CNGB1: variants seen among roughly 807,000 people sequenced by gnomAD.
CNGB1 encodes the protein cyclic nucleotide gated channel subunit beta 1.
In CNGB1, 126 loss-of-function variants were observed where a neutral mutation model predicts 151.7. The ratio of observed to expected loss-of-function variants is 0.83; its 90% CI spans 0.72 to 0.96. The LOEUF (loss-of-function observed/expected upper bound fraction) is 0.96. Among genes scored for constraint, CNGB1 ranks in the 40% least tolerant of loss-of-function variants. CNGB1 has a pLI of 0.00. For synonymous variants in CNGB1, 623 were observed against 635.1 expected (o/e 0.98, Z 0.29); for missense variants, 1,698 against 1,627.0 (o/e 1.04, Z -0.75).
At chr16:57,953,428 G>A (rs1962008757) in intron 12 of CNGB1, among the ~76,000 whole-genome samples, 1 of 150,272 alleles carries the variant, frequency 6.7e-6, no homozygotes, top group South Asian at 2.1e-4. Flanking sequence ...CCGGGAGGTA[G>A]AGGTTGCAGT....
rs1248893188 is a variant in CNGB1 at position 57,959,923 on chromosome 16, C to G, written c.726G>C (p.Gln242His). ...CCCTGGTTGGTGGCAGGGAGGAGGT[C>G]TGGGCCTGGGAGCCGGGCTGGGGCT... ...APEPQPGSQA[Q>H]TSSLPPTRDP... The change falls in exon 10 of 33, where the codon CAG (glutamine) becomes CAC (histidine). Residue 242 changes from glutamine (Q) to histidine (H), a missense_variant. By Grantham distance (24) the Gln-to-His change is conservative (BLOSUM62 0). Transcript: ENST00000251102. 1.1e-5 allele frequency: 18 copies of G among 1,575,328 alleles called. No individual in the cohort carries two copies. Among genetic ancestry groups the G allele is most frequent in the Non-Finnish European group, 1.1e-5 (13 of 1,158,946 alleles).
rs1959785077 is a variant in CNGB1, at chr16:57,882,618, C to A, written c.*1546G>T. On this transcript the variant is annotated 3_prime_UTR_variant, in exon 33 of 33. Coordinates refer to ENST00000251102, the MANE Select transcript of CNGB1 (RefSeq NM_001297.5). ...TAATTTTATATAAAATGGGCAGGACCTATTGGAATTCCAGGTCCTTTATGT... is the reference window on the plus strand; with the variant it reads ...TAATTTTATATAAAATGGGCAGGACATATTGGAATTCCAGGTCCTTTATGT... 6.6e-6 allele frequency: 1 copy of A among 152,052 alleles called. No individual in the cohort carries two copies. Among genetic ancestry groups the A allele is most frequent in the Non-Finnish European group, 1.5e-5 (1 of 68,006 alleles). The allele number at this position is 152,052 out of a possible 1,614,324, so 9.4% of individuals were successfully genotyped here. A position where few individuals can be genotyped will look rare whatever the true frequency, so the allele number is the denominator to read the frequency against.
chr16:57,923,596 T>C (rs1217255287), intron 17 of CNGB1, among the ~76,000 whole-genome samples: 2 of 152,132 alleles, frequency 1.3e-5, no homozygotes, highest in Non-Finnish European at 2.9e-5. Flanking sequence ...TTCCCATCTG[T>C]TAAATGGCTT....
chr16:57,932,481 C>T (rs760215187), intron 16 of CNGB1, among the ~76,000 whole-genome samples: 8 of 151,486 alleles, frequency 5.3e-5, no homozygotes, highest in Non-Finnish European at 1.0e-4. Flanking sequence ...CAGTTCACCC[C>T]AAGCTCCTTC....
chr16:57,915,392 G>T, intron 22 of CNGB1, 57 bp from the exon 23 acceptor site: 1 of 1,343,698 alleles, frequency 7.4e-7, no homozygotes, highest in Non-Finnish European at 1.1e-6. Context: ...GGTGGAAGGT[G>T]AGGGGAGTGA....
intron 24 of CNGB1, 122 bp from the exon 25 acceptor site, chr16:57,911,997 A>C: frequency 1.5e-6 from 2 of 1,345,098 alleles, no homozygotes; most frequent in Non-Finnish European, 1.0e-6. Flanking sequence ...TTGAGATTGC[A>C]CCAGTTAGGA....
rs567327964 is a variant in CNGB1 at position 57,958,717 on chromosome 16, C to T, written c.762-232G>A. On this transcript the variant is annotated intron_variant, in intron 10 of 32. Coordinates refer to ENST00000251102, the MANE Select transcript of CNGB1 (RefSeq NM_001297.5). ...GGTAGCTCGGCCTCCCCCCACCCTC[C>T]CACCCGTTCTCGGAAGGGAGTGCAC... 4.0e-5 allele frequency among the ~76,000 whole-genome samples: 6 copies of T among 151,468 alleles called. No homozygotes were observed. In the East Asian group the frequency reaches 1.2e-3, roughly 29 times the overall value.
At position 57,918,975 on chromosome 16, in the gene CNGB1, T is replaced by G. The variant is rs933382144; in HGVS notation, c.1957+124A>C. 1.2e-5 allele frequency: 19 copies of G among 1,534,572 alleles called. No homozygotes were observed. In the Admixed American group the frequency reaches 1.6e-4, roughly 13 times the overall value. ...TACTTTTGAAAGGTATAAAAGATCA[T>G]GAACCCAGGTTGTCTGTGGCCTCCC... On this transcript the variant is annotated intron_variant, in intron 20 of 32. Transcript: ENST00000251102.
intron 20 of CNGB1, among the ~76,000 whole-genome samples, chr16:57,918,160 A>C (rs1960930385): frequency 6.6e-6 from 1 of 150,570 alleles, no homozygotes; most frequent in Non-Finnish European, 1.5e-5. Context: ...ATTTTTGTAG[A>C]GATGAGGTCT....
intron 4 of CNGB1, chr16:57,963,850 G>A: frequency 1.9e-6 from 1 of 523,910 alleles, no homozygotes; most frequent in African/African-American, 1.9e-5. Flanking sequence ...TCTAATGAAT[G>A]AATGAGTGAA....
Position 57,923,347 on chromosome 16 carries a change from T to C in CNGB1, c.1569A>G (p.Glu523=), listed in dbSNP as rs1213295017. 6.2e-7 allele frequency: 1 copy of C among 1,613,218 alleles called. No homozygotes were observed. Among genetic ancestry groups the C allele is most frequent in the Admixed American group, 1.7e-5 (1 of 59,976 alleles). The change falls in exon 18 of 33, where the codon GAA becomes GAG. Residue 523 remains glutamate (E), a synonymous_variant. Coordinates refer to ENST00000251102, the MANE Select transcript of CNGB1 (RefSeq NM_001297.5). ...CTGCTGGTGACAACGCCTTGAGCTCTTCAGCCTCATCATCCTCAGAGGGCA... is the reference window on the plus strand; with the variant it reads ...CTGCTGGTGACAACGCCTTGAGCTCCTCAGCCTCATCATCCTCAGAGGGCA... ...KKLPSEDDEA[E]ELKALSPAES...
chr16:57,961,598 G>C (rs1337345498), intron 7 of CNGB1, among the ~76,000 whole-genome samples: 1 of 152,038 alleles, frequency 6.6e-6, no homozygotes, highest in Non-Finnish European at 1.5e-5. Context: ...AGGAAGTAGA[G>C]GACCAAAAGA....
At position 57,915,343 on chromosome 16, in the gene CNGB1, C is replaced by G. The variant is rs768380522; in HGVS notation, c.2218-8G>C. The G allele has an allele frequency of 8.1e-6, 13 of 1,609,362 alleles. No homozygotes were observed. In the African/African-American group the frequency reaches 1.7e-4, roughly 22 times the overall value. ...GAGGCTGAGCAGGTCCATCTGAAAT[C>G]CCAGTGGGACACCATGGGGGTAAAA... On this transcript the variant is annotated splice_region_variant and splice_polypyrimidine_tract_variant and intron_variant, in intron 22 of 32. Coordinates refer to ENST00000251102, the MANE Select transcript of CNGB1 (RefSeq NM_001297.5).
rs572080575 is a variant in CNGB1 at position 57,918,695 on chromosome 16, C to T, written c.1957+404G>A. ...TGGGTATGATCTTATGTTCCTATTC[C>T]AGGGACTTTTGTTGTTGTTTTTAAG... is the stretch of plus-strand genomic sequence containing the variant. On this transcript the variant is annotated intron_variant, in intron 20 of 32. Transcript: ENST00000251102. 7.2e-5 allele frequency among the ~76,000 whole-genome samples: 11 copies of T among 152,054 alleles called. 1 individual carries two copies. Among genetic ancestry groups the T allele is most frequent in the Non-Finnish European group, 1.2e-4 (8 of 68,010 alleles).
At chr16:57,957,762 A>G (rs1271172138) in intron 11 of CNGB1, among the ~76,000 whole-genome samples, 1 of 152,196 alleles carries the variant, frequency 6.6e-6, no homozygotes, top group African/African-American at 2.4e-5. Flanking sequence ...AGCCCTGGGT[A>G]TGAGAATGCA....
At position 57,884,048 on chromosome 16, in the gene CNGB1, C is replaced by T. The variant is rs182224027; in HGVS notation, c.*116G>A. 2.4e-4 allele frequency: 354 copies of T among 1,494,460 alleles called. No homozygotes were observed. The highest frequency in any genetic ancestry group is 2.2e-3 in the African/African-American group (160 of 72,828). 92.6% of individuals were successfully genotyped at this position (1,494,460 alleles called of 1,614,324 possible). A position where few individuals can be genotyped will look rare whatever the true frequency, so the allele number is the denominator to read the frequency against. On this transcript the variant is annotated 3_prime_UTR_variant, in exon 33 of 33. Coordinates refer to ENST00000251102, the MANE Select transcript of CNGB1 (RefSeq NM_001297.5). The stretch of plus-strand genomic sequence containing the variant: ...GCTGCAGCCACTGAGGTCACGACTA[C>T]GGAAAAGCATCTTCTCTTGAGCCGT...
intron 17 of CNGB1, among the ~76,000 whole-genome samples, chr16:57,925,793 T>G (rs1255796698): frequency 6.6e-6 from 1 of 152,122 alleles, no homozygotes; most frequent in East Asian, 1.9e-4. Flanking sequence ...GTTCAAGCAA[T>G]TCTCCTGCCT....
At chr16:57,945,605 A>T (rs1017283083) in intron 14 of CNGB1, among the ~76,000 whole-genome samples, 1 of 152,238 alleles carries the variant, frequency 6.6e-6, no homozygotes, top group Non-Finnish European at 1.5e-5. Flanking sequence ...AGACTGCCAG[A>T]TGTTGTTCTG....
intron 25 of CNGB1, among the ~76,000 whole-genome samples, chr16:57,905,766 T>C (rs1037175698): frequency 6.6e-6 from 1 of 152,264 alleles, no homozygotes; most frequent in African/African-American, 2.4e-5. Flanking sequence ...GAGGACAGCA[T>C]TCCTCTCCTC....
Sources: allele counts gnomAD v4.1 joint callset (sites outside exome capture counted in the v4.1 genomes callset), GRCh38; gene constraint gnomAD v4.1.1; transcripts MANE v1.5; gene names NCBI Gene and HGNC (gene_info 2026-07-23, HGNC 2026-07-21).